Variants in IQSEC1 observed in about 807,000 individuals in gnomAD.
IQSEC1 encodes the protein IQ motif and Sec7 domain ArfGEF 1.
Under a neutral mutation model 91.0 loss-of-function variants are expected in IQSEC1, and 31 were observed. That is an observed-to-expected ratio of 0.34 (90% confidence interval 0.26 to 0.46). The LOEUF (loss-of-function observed/expected upper bound fraction) is 0.46, where lower values mean the gene tolerates loss of function less well. IQSEC1 is among the 20% of genes least tolerant of loss of function. The pLI is 1.00. For synonymous variants in IQSEC1, 699 were observed against 662.6 expected (o/e 1.05, Z -0.84); for missense variants, 1,388 against 1,575.6 (o/e 0.88, Z 2.02).
intron 1 of IQSEC1, among the ~76,000 whole-genome samples, chr3:13,202,403 A>G (rs1414910087): frequency 6.6e-6 from 1 of 152,258 alleles, no homozygotes; most frequent in Non-Finnish European, 1.5e-5. Context: ...GAAGCAACCC[A>G]AGTGACCATC....
chr3:13,261,269 G>C (rs1007463550), intron 1 of IQSEC1, among the ~76,000 whole-genome samples: 39 of 152,258 alleles, frequency 2.6e-4, no homozygotes, highest in Admixed American at 1.0e-3. Flanking sequence ...TCCCCCAGGG[G>C]CCACACACAA....
chr3:13,070,156 T>G (rs115079620), intron 1 of IQSEC1, among the ~76,000 whole-genome samples: 2 of 152,182 alleles, frequency 1.3e-5, no homozygotes, highest in Non-Finnish European at 2.9e-5. Flanking sequence ...GGCTGTGCCA[T>G]GCACAGGGCC....
Position 13,262,155 on chromosome 3 carries a change from G to A in IQSEC1, c.272+20556C>T, listed in dbSNP as rs117962487. Among the ~76,000 whole-genome samples, 68 of 152,296 alleles carry A rather than the reference G, an allele frequency of 4.5e-4. 1 individual carries two copies. The East Asian group carries it at 6.4e-3, about 14-fold the overall frequency. ...GCTGGACCTGAGCCACACTTCCCCA[G>A]GTGAACGGGGTCAGTCCTGAGAGGA... is the stretch of plus-strand genomic sequence containing the variant. On this transcript the variant is annotated intron_variant, in intron 1 of 15. Transcript: ENST00000648114.
In IQSEC1 at chr3:12,909,331, G is replaced by A. The variant is rs771258870; in HGVS notation, c.2520C>T (p.Thr840=). ...CCGCAATGGACTCCCGCAGGTCATC[G>A]GTGAATTTCTTCCGGTCTTGAGGGT... ...APNPQDRKKF[T]DDLRESIAEV... is the part of the protein sequence containing the mutation. The change falls in exon 11 of 14, where the codon ACC becomes ACT. Residue 840 remains threonine, a synonymous_variant. Coordinates refer to ENST00000613206, the MANE Select transcript of IQSEC1 (RefSeq NM_001134382.3). This position sits in a 1 kb window ranked among gnomAD's most constrained non-coding sequence, Gnocchi z 4.9. The A allele has an allele frequency of 2.1e-5, 34 of 1,614,070 alleles. No homozygotes were observed. The highest frequency in any genetic ancestry group is 6.7e-5 in the African/African-American group (5 of 74,920).
At chr3:13,038,864 G>A (rs550525541) in intron 1 of IQSEC1, among the ~76,000 whole-genome samples, 12 of 152,160 alleles carry the variant, frequency 7.9e-5, no homozygotes, top group African/African-American at 2.2e-4. Context: ...AACATCTCAC[G>A]TACCCCATAA....
In IQSEC1 at chr3:12,924,219, T is replaced by C. The variant is rs967544403; in HGVS notation, c.1730+362A>G. Among the ~76,000 whole-genome samples, 2 of 152,098 alleles carry C rather than the reference T, an allele frequency of 1.3e-5. No homozygotes were observed. Among genetic ancestry groups the C allele is most frequent in the Non-Finnish European group, 2.9e-5 (2 of 68,002 alleles). On this transcript the variant is annotated intron_variant, in intron 4 of 13. Coordinates refer to ENST00000613206, the MANE Select transcript of IQSEC1 (RefSeq NM_001134382.3). This position sits in a 1 kb window ranked among gnomAD's most constrained non-coding sequence, Gnocchi z 6.3. ...TCCAGCTGCCTGCTCCTGCCAGCCC[T>C]GCCATGAGAAGCTGCAGGAACATGG...
intron 2 of IQSEC1, among the ~76,000 whole-genome samples, chr3:12,939,691 C>G (rs1698573128): frequency 6.6e-6 from 1 of 152,162 alleles, no homozygotes; most frequent in Admixed American, 6.5e-5. Flanking sequence ...CCATTTCACA[C>G]ACTCGGCAGC....
At chr3:12,929,607 C>T (rs1697485923) in intron 3 of IQSEC1, among the ~76,000 whole-genome samples, 1 of 152,214 alleles carries the variant, frequency 6.6e-6, no homozygotes, top group Admixed American at 6.5e-5. Context: ...CCTCTACCCT[C>T]CGGATGCCCT....
chr3:13,102,268 C>A (rs993422155), intron 2 of IQSEC1, among the ~76,000 whole-genome samples: 2 of 151,864 alleles, frequency 1.3e-5, no homozygotes, highest in Non-Finnish European at 2.9e-5. Flanking sequence ...GGTGATGGAG[C>A]AAGAACTTGT....
In IQSEC1 at chr3:12,967,269, G is replaced by C; in HGVS notation, c.24-25404C>G. The C allele has an allele frequency of 1.2e-6, 1 of 852,854 alleles. No individual in the cohort carries two copies. The highest frequency in any genetic ancestry group is 1.9e-5 in the South Asian group (1 of 52,126). The allele number at this position is 852,854 out of a possible 1,614,324, so 52.8% of individuals were successfully genotyped here. A position where few individuals can be genotyped will look rare whatever the true frequency, so the allele number is the denominator to read the frequency against. ...CCCGCCCCGCAGGCAGCTTTCTCTC[G>C]CACGCCGGGCGCCCGGTCCCGACGG... On this transcript the variant is annotated intron_variant, in intron 1 of 13. Coordinates refer to ENST00000613206, the MANE Select transcript of IQSEC1 (RefSeq NM_001134382.3). The surrounding 1 kb of genome is among the most constrained non-coding windows in gnomAD (Gnocchi z 5.9).
chr3:13,004,536 T>G (rs567776738), intron 1 of IQSEC1, among the ~76,000 whole-genome samples: 17 of 152,158 alleles, frequency 1.1e-4, no homozygotes, highest in African/African-American at 3.9e-4. Context: ...CCCGCCTCCC[T>G]CCTCCCTCTC....
At position 12,924,799 on chromosome 3, in the gene IQSEC1, C is replaced by T. The variant is rs1696969128; in HGVS notation, c.1569-57G>A. 1.3e-6 allele frequency: 2 copies of T among 1,483,660 alleles called. No individual in the cohort carries two copies. The highest frequency in any genetic ancestry group is 1.4e-5 in the African/African-American group (1 of 71,018). 91.9% of individuals were successfully genotyped at this position (1,483,660 alleles called of 1,614,324 possible). A position where few individuals can be genotyped will look rare whatever the true frequency, so the allele number is the denominator to read the frequency against. On this transcript the variant is annotated intron_variant, in intron 3 of 13. Transcript: ENST00000613206. The surrounding 1 kb of genome is among the most constrained non-coding windows in gnomAD (Gnocchi z 6.3). ...AGCTGCCCGGCCACCAGCCAGGCACCTGGAGGGGATCTCCGCTCAGTGGAC... is the reference window on the plus strand; with the variant it reads ...AGCTGCCCGGCCACCAGCCAGGCACTTGGAGGGGATCTCCGCTCAGTGGAC...
intron 1 of IQSEC1, among the ~76,000 whole-genome samples, chr3:12,942,559 C>T (rs1179314852): frequency 2.0e-5 from 3 of 151,836 alleles, no homozygotes; most frequent in South Asian, 2.1e-4. Flanking sequence ...GCCAAGATTG[C>T]GCCACTGCAC....
intron 2 of IQSEC1, among the ~76,000 whole-genome samples, chr3:13,099,489 C>T (rs1178895656): frequency 2.0e-5 from 3 of 152,188 alleles, no homozygotes; most frequent in Non-Finnish European, 4.4e-5. Flanking sequence ...ACTCCTCCCC[C>T]GAGCTGGGTG....
At chr3:12,980,100 C>CACCT (rs1464531834) in intron 1 of IQSEC1, among the ~76,000 whole-genome samples, 1 of 152,168 alleles carries the variant, frequency 6.6e-6, no homozygotes, top group Non-Finnish European at 1.5e-5. Flanking sequence ...GGCCCAGGAG[C>CACCT]ACCTTCTGCA....
chr3:13,274,258 C>T (rs1225492454), intron 1 of IQSEC1, among the ~76,000 whole-genome samples: 2 of 152,218 alleles, frequency 1.3e-5, no homozygotes, highest in Non-Finnish European at 2.9e-5. Flanking sequence ...AAGGACTTCT[C>T]ACCTGAGCGC....
intron 2 of IQSEC1, among the ~76,000 whole-genome samples, chr3:13,125,356 C>G (rs988890475): frequency 6.6e-6 from 1 of 152,234 alleles, no homozygotes; most frequent in Non-Finnish European, 1.5e-5. Context: ...AGGTGAGGCC[C>G]TCCAGCTGCT....
At chr3:13,012,923 C>T (rs1019672081) in intron 1 of IQSEC1, among the ~76,000 whole-genome samples, 1 of 148,752 alleles carries the variant, frequency 6.7e-6, no homozygotes, top group African/African-American at 2.5e-5. Context: ...GGTCACATAG[C>T]TACGAAAGCA....
chr3:13,263,439 G>GGGGAA (rs1553581065), intron 1 of IQSEC1, among the ~76,000 whole-genome samples: 26 of 107,252 alleles, frequency 2.4e-4, no homozygotes, highest in Admixed American at 8.0e-4. Context: ...GGGGGGGGGG[G>GGGGAA]AAAGTACCTG....
Sources: gnomAD v4.1 joint callset for allele counts (sites outside exome capture counted in the v4.1 genomes callset) on GRCh38, gnomAD v4.1.1 for gene constraint, Gnocchi (gnomAD v3.1) non-coding constraint, MANE v1.5 for transcripts, NCBI Gene and HGNC (gene_info 2026-07-23, HGNC 2026-07-21) for gene names.